The following PDE6B variants were observed in gnomAD, a reference collection of about 807,000 sequenced individuals.
PDE6B encodes rod cGMP-specific 3',5'-cyclic phosphodiesterase subunit beta.
PDE6B carries 106 observed loss-of-function variants against 109.0 expected under a neutral mutation model. That is an observed-to-expected ratio of 0.97 (90% CI 0.83 to 1.14). The LOEUF is 1.14. Ranked by LOEUF, PDE6B falls within the 50% of genes most tolerant of loss-of-function variation. The probability of loss-of-function intolerance (pLI) is 0.00; values close to 1 mark genes in which losing one functional copy is unlikely to be tolerated. For synonymous variants in PDE6B, 490 were observed against 471.3 expected (o/e 1.04, Z -0.51); for missense variants, 1,193 against 1,155.6 (o/e 1.03, Z -0.47).
chr4:660,524 C>T lies in PDE6B; in HGVS notation c.1525C>T (p.Leu509=), dbSNP rs1736938044. The change falls in exon 12 of 22, where the codon CTG becomes TTG. Residue 509 remains leucine, a synonymous_variant. Coordinates refer to ENST00000496514, the MANE Select transcript of PDE6B (RefSeq NM_000283.4). ...CATCTACGAATTCCACTTCTCTGAC[C>T]TGGAGTGCACCGAACTGGACCTGGT... ...FDIYEFHFSD[L]ECTELDLVKC... The T allele has an allele frequency of 2.5e-6, 4 of 1,613,376 alleles. No homozygotes were observed. The highest frequency in any genetic ancestry group is 3.4e-6 in the Non-Finnish European group (4 of 1,179,568).
rs990389286 is a variant in PDE6B, at chr4:626,805, G to A, written c.468+711G>A. ...GCAGACGCTTCCCGAGGACAGAGGCGGTCCTGGCGGGACTGGAGAACAAGA... is the reference window on the plus strand; with the variant it reads ...GCAGACGCTTCCCGAGGACAGAGGCAGTCCTGGCGGGACTGGAGAACAAGA... On this transcript the variant is annotated intron_variant, in intron 1 of 21. Transcript: ENST00000496514. The surrounding 1 kb of genome is among the most constrained non-coding windows in gnomAD (Gnocchi z 4.6). Among the ~76,000 whole-genome samples the A allele has an allele frequency of 2.6e-5, 4 of 152,316 alleles. No individual in the cohort carries two copies. Among genetic ancestry groups the A allele is most frequent in the South Asian group, 4.1e-4 (2 of 4,822 alleles).
intron 21 of PDE6B, among the ~76,000 whole-genome samples, chr4:669,591 C>G (rs1397191270): frequency 2.6e-5 from 2 of 76,856 alleles, no homozygotes; most frequent in African/African-American, 6.8e-5. Flanking sequence ...TTCCCGCTAC[C>G]CCATGCTATT....
In PDE6B at chr4:669,319, T is replaced by G. The variant is rs549665316; in HGVS notation, c.2504-727T>G. Among the ~76,000 whole-genome samples, 480 of 102,096 alleles carry G rather than the reference T, an allele frequency of 4.7e-3. 7 individuals are homozygous for G. The highest frequency in any genetic ancestry group is 0.012 in the African/African-American group (243 of 19,590). 67.0% of individuals were successfully genotyped at this position (102,096 alleles called of 152,430 possible). ...ATGCTAGTCCCACTACCCCATGCTA[T>G]TCCCGCTACCCCATGCTATTCCCCT... On this transcript the variant is annotated intron_variant, in intron 21 of 21. Coordinates refer to ENST00000496514, the MANE Select transcript of PDE6B (RefSeq NM_000283.4).
At position 665,693 on chromosome 4, in the gene PDE6B, C is replaced by G. The variant is rs527785929; in HGVS notation, c.2268+364C>G. ...GGCAGAGAACGCATGGGGGGCGTCC[C>G]GGGCCCACACAGTGGTATGATGGAC... On this transcript the variant is annotated intron_variant, in intron 19 of 21. Coordinates refer to ENST00000496514, the MANE Select transcript of PDE6B (RefSeq NM_000283.4). This position sits in a 1 kb window ranked among gnomAD's most constrained non-coding sequence, Gnocchi z 4.0. Among the ~76,000 whole-genome samples the G allele has an allele frequency of 6.6e-5, 10 of 152,260 alleles. No homozygotes were observed. Among genetic ancestry groups the G allele is most frequent in the African/African-American group, 2.4e-4 (10 of 41,552 alleles).
chr4:664,702 G>C (rs1737578969), intron 17 of PDE6B, among the ~76,000 whole-genome samples, 179 bp from the exon 18 acceptor site: 1 of 152,202 alleles, frequency 6.6e-6, no homozygotes, highest in African/African-American at 2.4e-5. Context: ...TGTAATCCCA[G>C]CTACTCGGGA....
At chr4:659,618 A>G (rs1736805556) in intron 11 of PDE6B, among the ~76,000 whole-genome samples, 1 of 148,138 alleles carries the variant, frequency 6.8e-6, no homozygotes, top group African/African-American at 2.5e-5. Flanking sequence ...TGTGCATTGT[A>G]TGAATGTGCA....
intron 11 of PDE6B, 98 bp from the exon 12 acceptor site, chr4:660,369 G>A (rs1407163247): frequency 4.9e-6 from 6 of 1,236,978 alleles, no homozygotes; most frequent in African/African-American, 4.4e-5. Flanking sequence ...TGCCTGAGGT[G>A]TCTGAGGCTT....
intron 3 of PDE6B, among the ~76,000 whole-genome samples, chr4:651,003 C>T (rs1451464872): frequency 2.0e-5 from 3 of 152,140 alleles, no homozygotes; most frequent in Non-Finnish European, 2.9e-5. Flanking sequence ...AGTGCCTCCC[C>T]TCACTGAGGT....
intron 21 of PDE6B, among the ~76,000 whole-genome samples, chr4:669,335 CTATTCCCCTACCCCA>C (rs1326662232): frequency 1.1e-4 from 15 of 132,102 alleles, no homozygotes; most frequent in African/African-American, 1.6e-4. Context: ...CTACCCCATG[CTATTCCCCTACCCCA>C]TGCTATTCCC....
chr4:650,871 C>T (rs1239033077), intron 3 of PDE6B, among the ~76,000 whole-genome samples: 1 of 152,214 alleles, frequency 6.6e-6, no homozygotes, highest in Non-Finnish European at 1.5e-5. Flanking sequence ...GCTGAAGACG[C>T]CTGCACTTCA....
At chr4:631,936 A>G (rs1470899717) in intron 1 of PDE6B, among the ~76,000 whole-genome samples, 1 of 150,558 alleles carries the variant, frequency 6.6e-6, no homozygotes, top group Admixed American at 6.6e-5. Flanking sequence ...TCTGAGGGTC[A>G]TCCTGTGTGG....
In PDE6B at chr4:670,429, G is replaced by A. The variant is rs574407054; in HGVS notation, c.*322G>A. The A allele has an allele frequency of 6.0e-6, 2 of 332,814 alleles. No homozygotes were observed. Among genetic ancestry groups the A allele is most frequent in the Admixed American group, 9.1e-5 (2 of 21,896 alleles). 20.6% of individuals were successfully genotyped at this position (332,814 alleles called of 1,614,324 possible). A position where few individuals can be genotyped will look rare whatever the true frequency, so the allele number is the denominator to read the frequency against. ...GGCTAATTTTTGTATTTTCAGTACA[G>A]ATGGGGTTTCACCATATTGGGCAGG... On this transcript the variant is annotated 3_prime_UTR_variant, in exon 22 of 22. Transcript: ENST00000496514.
At chr4:638,688 C>T (rs545801001) in intron 3 of PDE6B, among the ~76,000 whole-genome samples, 1 of 152,258 alleles carries the variant, frequency 6.6e-6, no homozygotes, top group African/African-American at 2.4e-5. Context: ...GAGCTTCTTG[C>T]TAAATTGGGG....
Position 650,063 on chromosome 4 carries a change from C to G in PDE6B, c.712-3789C>G, listed in dbSNP as rs905417764. Among the ~76,000 whole-genome samples, 7 of 152,276 alleles carry G rather than the reference C, an allele frequency of 4.6e-5. No individual in the cohort carries two copies. The East Asian group carries it at 1.4e-3, about 29-fold the overall frequency. On this transcript the variant is annotated intron_variant, in intron 3 of 21. Transcript: ENST00000496514. ...ATGCAGCCCAGAAGCCCAGGCTGCT[C>G]GAACCATCCCCGGGGCCTTGTGGAT...
intron 10 of PDE6B, among the ~76,000 whole-genome samples, chr4:658,452 G>GAA: frequency 6.6e-6 from 1 of 150,872 alleles, no homozygotes; most frequent in African/African-American, 2.4e-5. Context: ...TGCGGTGGGG[G>GAA]CAGGTCACCC....
In PDE6B at chr4:625,667, A is replaced by G; in HGVS notation, c.41A>G (p.Gln14Arg). The G allele has an allele frequency of 6.2e-7, 1 of 1,613,984 alleles. No homozygotes were observed. The highest frequency in any genetic ancestry group is 8.5e-7 in the Non-Finnish European group (1 of 1,179,990). ...SEEQARSFLD[Q>R]NPDFARQYFG... ...GAGCAGGCCCGGAGCTTTCTGGACC[A>G]GAACCCCGATTTTGCCCGCCAGTAC... The change falls in exon 1 of 22, where the codon CAG (glutamine) becomes CGG (arginine). Residue 14 changes from glutamine (Q) to arginine (R), a missense_variant. Physicochemically the swap from Gln to Arg is conservative, Grantham distance 43 (BLOSUM62 1). Transcript: ENST00000496514. This position sits in a 1 kb window ranked among gnomAD's most constrained non-coding sequence, Gnocchi z 5.0.
intron 6 of PDE6B, chr4:655,400 C>T: frequency 3.5e-6 from 1 of 282,618 alleles, no homozygotes; most frequent in Non-Finnish European, 6.8e-6. Flanking sequence ...CCTATTGGGA[C>T]CCCATCCCCA....
intron 9 of PDE6B, among the ~76,000 whole-genome samples, 158 bp downstream of exon 9, chr4:657,181 C>G (rs956541697): frequency 1.3e-5 from 2 of 152,162 alleles, no homozygotes; most frequent in East Asian, 1.9e-4. Context: ...AGGGCCCCCC[C>G]GGGAGCAGGA....
chr4:666,951 G>T lies in PDE6B; in HGVS notation c.2352+337G>T, dbSNP rs974105400. Among the ~76,000 whole-genome samples, 1 of 152,226 alleles carries T rather than the reference G, an allele frequency of 6.6e-6. No homozygotes were observed. The highest frequency in any genetic ancestry group is 2.4e-5 in the African/African-American group (1 of 41,462). ...CCGTGGCCAGCACACTGTTTTGGGGGCCTTGGCTGCAGCTCTGTGGGTTCA... is the reference window on the plus strand; with the variant it reads ...CCGTGGCCAGCACACTGTTTTGGGGTCCTTGGCTGCAGCTCTGTGGGTTCA... On this transcript the variant is annotated intron_variant, in intron 20 of 21. Transcript: ENST00000496514. This position sits in a 1 kb window ranked among gnomAD's most constrained non-coding sequence, Gnocchi z 5.6.
Sources: allele counts gnomAD v4.1 joint callset (sites outside exome capture counted in the v4.1 genomes callset), GRCh38; gene constraint gnomAD v4.1.1; non-coding constraint Gnocchi (gnomAD v3.1); transcripts MANE v1.5; gene names NCBI Gene and HGNC (gene_info 2026-07-23, HGNC 2026-07-21).